Variants in UNC5D observed in about 807,000 individuals in gnomAD.
The protein encoded by UNC5D is unc-5 netrin receptor D, also known as netrin receptor UNC5D.
In UNC5D, 39 loss-of-function variants were observed where a neutral mutation model predicts 105.4. The observed-to-expected ratio is 0.37, with a 90% confidence interval of 0.29 to 0.48. The LOEUF is 0.48. UNC5D is among the 20% of genes least tolerant of loss of function. The pLI, the probability that UNC5D is intolerant of heterozygous loss-of-function variation, is 0.98. For missense variants in UNC5D, 991 were observed against 1,202.4 expected, an observed-to-expected ratio of 0.82 and a Z score of 2.60; for synonymous variants, 452 against 450.4, an observed-to-expected ratio of 1.00 and a Z score of -0.04.
chr8:35,365,591 C>CAAAAAAAAAAAAA lies in UNC5D; in HGVS notation c.103+129718_103+129730dup, dbSNP rs10715369. 1.4e-4 allele frequency among the ~76,000 whole-genome samples: 7 copies of CAAAAAAAAAAAAA among 49,884 alleles called. 1 individual carries two copies. The highest frequency in any genetic ancestry group is 4.0e-4 in the African/African-American group (5 of 12,392). The allele number at this position is 49,884 out of a possible 152,430, so 32.7% of individuals were successfully genotyped here. A position where few individuals can be genotyped will look rare whatever the true frequency, so the allele number is the denominator to read the frequency against. ...TCTTAGGCTTTCATGCCATCCCCTGCAAAAAAAAAAAAAAAAAAAAAAAAA... is the reference window on the plus strand; with the variant it reads ...TCTTAGGCTTTCATGCCATCCCCTGCAAAAAAAAAAAAAAAAAAAAAAAAAAAAAAAAAAAAAA... On this transcript the variant is annotated intron_variant, in intron 1 of 16. Coordinates refer to ENST00000404895, the MANE Select transcript of UNC5D (RefSeq NM_080872.4).
chr8:35,343,721 T>C (rs1003231447), intron 1 of UNC5D, among the ~76,000 whole-genome samples: 1 of 152,158 alleles, frequency 6.6e-6, no homozygotes, highest in African/African-American at 2.4e-5. Context: ...GGCTTCTGTT[T>C]CTTCCAGCCA....
rs369587160 is a variant in UNC5D, at chr8:35,265,785, G to A, written c.103+29898G>A. Among the ~76,000 whole-genome samples, 139 of 151,892 alleles carry A rather than the reference G, an allele frequency of 9.2e-4. 4 individuals are homozygous for A. In the South Asian group the frequency reaches 0.025, roughly 27 times the overall value. ...CTCCAGAGGCTGAGGCAGGAGAATG[G>A]CGTGAACCCAGGAGGCAGAGCTTGC... On this transcript the variant is annotated intron_variant, in intron 1 of 16. Transcript: ENST00000404895.
At chr8:35,544,598 T>C in intron 1 of UNC5D, 1 of 1,025,904 alleles carries the variant, frequency 9.7e-7, no homozygotes, top group Non-Finnish European at 1.2e-6. Flanking sequence ...CGTTTTCGTT[T>C]TTTTTTTTTT....
intron 1 of UNC5D, chr8:35,544,250 C>G: frequency 1.1e-6 from 1 of 929,292 alleles, no homozygotes; most frequent in Non-Finnish European, 1.5e-6. Flanking sequence ...CTTAGCCTAC[C>G]AAGGCTCTTT....
In UNC5D at chr8:35,683,577, G is replaced by T; in HGVS notation, c.601G>T (p.Asp201Tyr). ...ATGGCTGAAAAATGAAGAGCCCATT[G>T]ACTCTGAACAAGACGAGAACATTGA... The part of the protein sequence containing the change: ...VEWLKNEEPI[D>Y]SEQDENIDTR... The change falls in exon 5 of 17, where the codon GAC (aspartate) becomes TAC (tyrosine). Residue 201 changes from aspartate (D) to tyrosine (Y), a missense_variant. Asp to Tyr is a radical substitution (Grantham distance 160). Around this residue, in one of 3 missense-constraint regions of UNC5D, gnomAD observed 944 missense variants for 1,131.6 expected, o/e 0.83. Transcript: ENST00000404895. 6.4e-7 allele frequency: 1 copy of T among 1,569,452 alleles called. No individual in the cohort carries two copies. The highest frequency in any genetic ancestry group is 8.6e-7 in the Non-Finnish European group (1 of 1,164,092).
In UNC5D at chr8:35,771,351, T is replaced by C. The variant is rs543161436; in HGVS notation, c.2479-2948T>C. ...CCTTTAGCATGGACACTTCCAATGT[T>C]TTCAGTTTCATTGATAAGCCACGTC... On this transcript the variant is annotated intron_variant, in intron 15 of 16. Coordinates refer to ENST00000404895, the MANE Select transcript of UNC5D (RefSeq NM_080872.4). 3.3e-5 allele frequency among the ~76,000 whole-genome samples: 5 copies of C among 152,294 alleles called. No individual in the cohort carries two copies. The South Asian group carries it at 1.0e-3, about 32-fold the overall frequency.
chr8:35,539,578 C>T (rs979465413), intron 1 of UNC5D, among the ~76,000 whole-genome samples: 13 of 152,094 alleles, frequency 8.5e-5, no homozygotes, highest in African/African-American at 2.4e-4. Context: ...ACTTAGAACT[C>T]GTTGACAAGT....
At chr8:35,289,054 A>G (rs1806835983) in intron 1 of UNC5D, among the ~76,000 whole-genome samples, 1 of 152,190 alleles carries the variant, frequency 6.6e-6, no homozygotes, top group Non-Finnish European at 1.5e-5. Flanking sequence ...ATGAAATGAT[A>G]TAGAGTGGCT....
At chr8:35,618,205 G>A (rs374855342) in intron 4 of UNC5D, among the ~76,000 whole-genome samples, 71 of 152,276 alleles carry the variant, frequency 4.7e-4, no homozygotes, top group African/African-American at 1.7e-3. Flanking sequence ...GTCATCTGTG[G>A]GCTTAGGCGA....
chr8:35,369,943 C>A (rs749142649), intron 1 of UNC5D, among the ~76,000 whole-genome samples: 1 of 152,054 alleles, frequency 6.6e-6, no homozygotes, highest in Admixed American at 6.6e-5. Flanking sequence ...TTTGCTGTAC[C>A]TTTGTATCCT....
At chr8:35,267,048 T>C (rs775058794) in intron 1 of UNC5D, among the ~76,000 whole-genome samples, 7 of 151,996 alleles carry the variant, frequency 4.6e-5, no homozygotes, top group Non-Finnish European at 1.0e-4. Context: ...AATGTCAACA[T>C]TTTTGGGACC....
At chr8:35,598,642 T>C (rs1042628153) in intron 4 of UNC5D, among the ~76,000 whole-genome samples, 2 of 152,202 alleles carry the variant, frequency 1.3e-5, no homozygotes, top group African/African-American at 2.4e-5. Flanking sequence ...ATGGGTAAGA[T>C]AGGGCATCAA....
chr8:35,774,350 G>C lies in UNC5D; in HGVS notation c.2530G>C (p.Ala844Pro). 1 of 1,614,074 alleles carries C rather than the reference G, an allele frequency of 6.2e-7. No homozygotes were observed. The highest frequency in any genetic ancestry group is 8.5e-7 in the Non-Finnish European group (1 of 1,179,996). ...CGCACAAGAGGACAGCACTTTCCCT[G>C]CACAGACTGGCCCCAAAGCCTTCAA... Reference protein sequence around the residue: ...FFAQEDSTFPAQTGPKAFKIP... With the variant: ...FFAQEDSTFPPQTGPKAFKIP... The change falls in exon 16 of 17, where the codon GCA (alanine) becomes CCA (proline). Residue 844 changes from alanine (A) to proline (P), a missense_variant. Coordinates refer to ENST00000404895, the MANE Select transcript of UNC5D (RefSeq NM_080872.4).
chr8:35,683,958 C>T (rs1407369441), intron 5 of UNC5D, among the ~76,000 whole-genome samples: 1 of 152,114 alleles, frequency 6.6e-6, no homozygotes, highest in Non-Finnish European at 1.5e-5. Context: ...GTGACATTTC[C>T]AATCTCTCTT....
At chr8:35,377,590 C>G (rs1224894357) in intron 1 of UNC5D, among the ~76,000 whole-genome samples, 1 of 152,184 alleles carries the variant, frequency 6.6e-6, no homozygotes, top group Non-Finnish European at 1.5e-5. Context: ...CAAGCTAGGA[C>G]TGCAGGGACA....
At chr8:35,244,115 C>T (rs1043891662) in intron 1 of UNC5D, among the ~76,000 whole-genome samples, 1 of 152,140 alleles carries the variant, frequency 6.6e-6, no homozygotes, top group African/African-American at 2.4e-5. Flanking sequence ...TTTTAGGGGA[C>T]TCACTTAATT....
At chr8:35,605,562 C>A (rs1265618800) in intron 4 of UNC5D, among the ~76,000 whole-genome samples, 1 of 152,194 alleles carries the variant, frequency 6.6e-6, no homozygotes. Flanking sequence ...CCACTACTCT[C>A]TTCAAAGCTG....
At chr8:35,367,810 G>A (rs971022072) in intron 1 of UNC5D, among the ~76,000 whole-genome samples, 3 of 152,130 alleles carry the variant, frequency 2.0e-5, no homozygotes, top group Admixed American at 6.6e-5. Flanking sequence ...TACCAAATGA[G>A]TCAAACCAGT....
intron 1 of UNC5D, among the ~76,000 whole-genome samples, chr8:35,357,967 G>A (rs1312498007): frequency 6.6e-6 from 1 of 151,898 alleles, no homozygotes; most frequent in Non-Finnish European, 1.5e-5. Context: ...TCCCATATGA[G>A]TGACTTCCAC....
Sources: gnomAD v4.1 joint callset for allele counts (sites outside exome capture counted in the v4.1 genomes callset) on GRCh38, gnomAD v4.1.1 for gene constraint, gnomAD v4.1.1 regional missense constraint, MANE v1.5 for transcripts, NCBI Gene and HGNC (gene_info 2026-07-23, HGNC 2026-07-21) for gene names.